The following LYZL4 variants were observed in gnomAD, a reference collection of about 807,000 sequenced individuals.
The protein encoded by LYZL4 is lysozyme like 4.
Under a neutral mutation model 17.6 loss-of-function variants are expected in LYZL4, and 13 were observed. The observed-to-expected ratio is 0.74, with a 90% CI of 0.48 to 1.18. LYZL4 has a LOEUF of 1.18. LYZL4 is among the 50% of genes most tolerant of loss of function. The probability of loss-of-function intolerance (pLI) is 0.00; values close to 1 mark genes in which losing one functional copy is unlikely to be tolerated. For missense variants in LYZL4, 174 were observed against 188.2 expected (o/e 0.92, Z 0.44); for synonymous variants, 64 against 67.7 (o/e 0.95, Z 0.27).
At chr3:42,376,218 A>G in the LYZL4 span, among the ~76,000 whole-genome samples, 2 of 152,230 alleles carry the variant, frequency 1.3e-5, no homozygotes, top group Non-Finnish European at 2.9e-5. Flanking sequence ...CCTGCAGTGG[A>G]ATCCACCCTT....
chr3:42,371,026 A>G, the LYZL4 span, among the ~76,000 whole-genome samples: 3 of 152,118 alleles, frequency 2.0e-5, no homozygotes, highest in East Asian at 3.9e-4. Flanking sequence ...GACTTTGCAC[A>G]CATTTGGTCT....
At chr3:42,375,064 G>A in the LYZL4 span, among the ~76,000 whole-genome samples, 150 of 152,174 alleles carry the variant, frequency 9.9e-4, no homozygotes, top group African/African-American at 3.5e-3. Context: ...GCCCACCTCA[G>A]CCTCCCAAAG....
At position 42,407,362 on chromosome 3, in the gene LYZL4, A is replaced by G; in HGVS notation, c.-92-19T>C. ...AAGGGCACTGTGGGGGTGGGGGTGG[A>G]GCACAGTTCAGTGTCATCAGAAAAA... On this transcript the variant is annotated intron_variant, in intron 1 of 4. Coordinates refer to ENST00000287748, the MANE Select transcript of LYZL4 (RefSeq NM_144634.4). The G allele has an allele frequency of 1.4e-6, 2 of 1,417,434 alleles. No homozygotes were observed. Among genetic ancestry groups the G allele is most frequent in the Non-Finnish European group, 1.9e-6 (2 of 1,034,492 alleles). The allele number at this position is 1,417,434 out of a possible 1,614,324, so 87.8% of individuals were successfully genotyped here. A position where few individuals can be genotyped will look rare whatever the true frequency, so the allele number is the denominator to read the frequency against.
At chr3:42,393,093 C>T (rs1034929049), downstream of LYZL4, among the ~76,000 whole-genome samples, 1 of 152,078 alleles carries the variant, frequency 6.6e-6, no homozygotes. Context: ...GGAACACTTG[C>T]TTCAAAGGAG....
At chr3:42,404,265 G>A (rs924864028) in intron 3 of LYZL4, 141 bp from the exon 4 acceptor site, 3 of 531,972 alleles carry the variant, frequency 5.6e-6, no homozygotes, top group Non-Finnish European at 1.0e-5. Context: ...ATTTTTATTA[G>A]ACAACCCTAA....
chr3:42,362,662 G>C, the LYZL4 span, among the ~76,000 whole-genome samples: 1 of 152,058 alleles, frequency 6.6e-6, no homozygotes, highest in African/African-American at 2.4e-5. Context: ...CCACCCTCAC[G>C]ACCTAATCAT....
intron 1 of LYZL4, 173 bp from the exon 2 acceptor site, chr3:42,407,516 T>C (rs945484977): frequency 5.7e-5 from 28 of 487,476 alleles, no homozygotes; most frequent in Admixed American, 3.8e-4. Flanking sequence ...TCTAAGGAAA[T>C]TGCACTCTTG....
chr3:42,407,526 G>A, intron 1 of LYZL4, 183 bp from the exon 2 acceptor site: 1 of 459,952 alleles, frequency 2.2e-6, no homozygotes, highest in Non-Finnish European at 3.9e-6. Flanking sequence ...TTGCACTCTT[G>A]AGGCCCCCTC....
rs1698565346 is a variant in LYZL4 at position 42,397,250 on chromosome 3, G to A, written c.*15C>T. ...AAGATGCAACTGGTGAGTGCTGCAG[G>A]GGCCATGCAGGTGGCTACAGCTTGC... is the stretch of plus-strand genomic sequence containing the variant. On this transcript the variant is annotated 3_prime_UTR_variant, in exon 5 of 5. Coordinates refer to ENST00000287748, the MANE Select transcript of LYZL4 (RefSeq NM_144634.4). 5 of 1,546,956 alleles carry A rather than the reference G, an allele frequency of 3.2e-6. No individual in the cohort carries two copies. The highest frequency in any genetic ancestry group is 1.9e-5 in the Admixed American group (1 of 51,962).
At chr3:42,374,030 C>T in the LYZL4 span, among the ~76,000 whole-genome samples, 3 of 152,212 alleles carry the variant, frequency 2.0e-5, no homozygotes, top group East Asian at 1.9e-4. Flanking sequence ...TTTTAGAAAC[C>T]GAGTTCCCAG....
At chr3:42,406,812 A>C (rs898557833) in intron 3 of LYZL4, 34 bp downstream of exon 3, 1 of 1,611,150 alleles carries the variant, frequency 6.2e-7, no homozygotes, top group Admixed American at 1.7e-5. Flanking sequence ...CATAGCCTCC[A>C]GTGCCCCCGC....
At chr3:42,404,160 C>T in intron 3 of LYZL4, 36 bp from the exon 4 acceptor site, 1 of 1,402,892 alleles carries the variant, frequency 7.1e-7, no homozygotes, top group Non-Finnish European at 1.0e-6. Flanking sequence ...ACCATGCTGC[C>T]ATATGACAGT....
At chr3:42,394,866 G>C (rs567098206), downstream of LYZL4, among the ~76,000 whole-genome samples, 60 of 152,362 alleles carry the variant, frequency 3.9e-4, no homozygotes, top group Non-Finnish European at 1.6e-4. Flanking sequence ...CACTCGAGGA[G>C]ATAGTGTTTT....
At chr3:42,367,228 C>A in the LYZL4 span, among the ~76,000 whole-genome samples, 1 of 152,328 alleles carries the variant, frequency 6.6e-6, no homozygotes, top group Non-Finnish European at 1.5e-5. Context: ...TACCAGGATC[C>A]CTACCCTTCT....
downstream of LYZL4, among the ~76,000 whole-genome samples, chr3:42,394,919 G>A (rs1698531306): frequency 6.6e-6 from 1 of 152,204 alleles, no homozygotes. Context: ...ATTGGATTGA[G>A]GTCGTGTGCA....
the LYZL4 span, among the ~76,000 whole-genome samples, chr3:42,377,609 A>G: frequency 6.9e-6 from 1 of 145,206 alleles, no homozygotes; most frequent in Non-Finnish European, 1.5e-5. Context: ...TCCATCATTA[A>G]GTGATGCATG....
At chr3:42,407,984 T>A (rs1003936735) in intron 1 of LYZL4, among the ~76,000 whole-genome samples, 1 of 152,190 alleles carries the variant, frequency 6.6e-6, no homozygotes, top group African/African-American at 2.4e-5. Context: ...TGGGGTCACT[T>A]GGGAGGGGAG....
At chr3:42,409,026 T>C (rs912095609) in intron 1 of LYZL4, among the ~76,000 whole-genome samples, 1 of 152,206 alleles carries the variant, frequency 6.6e-6, no homozygotes, top group Non-Finnish European at 1.5e-5. Context: ...TCAAGCTGTA[T>C]GATTAGTTGC....
downstream of LYZL4, among the ~76,000 whole-genome samples, chr3:42,396,578 T>C (rs1440549510): frequency 6.6e-6 from 1 of 152,140 alleles, no homozygotes; most frequent in Non-Finnish European, 1.5e-5. Context: ...TGAAAAAGAA[T>C]AAAAAACCTA....
Sources: gnomAD v4.1 joint callset for allele counts (sites outside exome capture counted in the v4.1 genomes callset) on GRCh38, gnomAD v4.1.1 for gene constraint, MANE v1.5 for transcripts, NCBI Gene and HGNC (gene_info 2026-07-23, HGNC 2026-07-21) for gene names.